The following CADM2 variants were observed in gnomAD, a reference collection of about 807,000 sequenced individuals.
The protein encoded by CADM2 is immunoglobulin superfamily member 4D.
A neutral mutation model predicts 49.8 loss-of-function variants in CADM2; 12 were observed. That is an observed-to-expected ratio of 0.24 (90% CI 0.15 to 0.39). CADM2 has a LOEUF of 0.39. Ranked by LOEUF, CADM2 falls within the 10% of genes least tolerant of loss-of-function variation. CADM2 has a pLI of 1.00. For synonymous variants in CADM2, 214 were observed against 175.4 expected (o/e 1.22, Z -1.74); for missense variants, 378 against 492.3 (o/e 0.77, Z 2.20).
intron 1 of CADM2, among the ~76,000 whole-genome samples, chr3:85,264,902 C>A (rs2043088987): frequency 6.6e-6 from 1 of 151,882 alleles, no homozygotes; most frequent in Non-Finnish European, 1.5e-5. Flanking sequence ...TATTTCAAGC[C>A]AATACCAGTT....
intron 5 of CADM2, among the ~76,000 whole-genome samples, chr3:85,896,936 C>T (rs1365206113): frequency 6.6e-5 from 10 of 152,096 alleles, no homozygotes; most frequent in African/African-American, 2.4e-5. Flanking sequence ...AGTAGACTTA[C>T]TAAGTCAGAA....
chr3:85,907,968 C>G (rs528977766), intron 5 of CADM2, among the ~76,000 whole-genome samples: 12 of 151,378 alleles, frequency 7.9e-5, no homozygotes, highest in Non-Finnish European at 1.6e-4. Flanking sequence ...GCACCAAAAC[C>G]GCAAAAGTGG....
intron 1 of CADM2, among the ~76,000 whole-genome samples, chr3:85,029,841 TA>T (rs1419113730): frequency 6.6e-6 from 1 of 152,206 alleles, no homozygotes; most frequent in African/African-American, 2.4e-5. Flanking sequence ...CTTCTTCTCA[TA>T]AAAGACTTTC....
intron 1 of CADM2, among the ~76,000 whole-genome samples, chr3:85,673,820 A>G (rs917372973): frequency 6.6e-6 from 1 of 152,188 alleles, no homozygotes; most frequent in Admixed American, 6.5e-5. Context: ...GTTTGGGAGC[A>G]TGAGAATTTG....
chr3:85,797,642 CT>C (rs1255415596), intron 2 of CADM2, among the ~76,000 whole-genome samples: 1 of 152,106 alleles, frequency 6.6e-6, no homozygotes, highest in East Asian at 1.9e-4. Flanking sequence ...GCCACATTTT[CT>C]TTATCCAGTC....
rs988400170 is a variant in CADM2 at position 85,428,480 on chromosome 3, T to C, written c.62-298042T>C. On this transcript the variant is annotated intron_variant, in intron 1 of 9. Transcript: ENST00000383699. ...ATATGATATGTATCATACTAATATA[T>C]ACTAATACATATTCCCCTATGGGGA... Among the ~76,000 whole-genome samples the C allele has an allele frequency of 4.7e-4, 69 of 146,106 alleles. 1 individual carries two copies. Among genetic ancestry groups the C allele is most frequent in the African/African-American group, 1.7e-3 (68 of 40,502 alleles).
At chr3:85,109,208 A>G (rs886895212) in intron 1 of CADM2, among the ~76,000 whole-genome samples, 1 of 152,062 alleles carries the variant, frequency 6.6e-6, no homozygotes, top group Non-Finnish European at 1.5e-5. Flanking sequence ...ATCAACTGTC[A>G]TAGCTATCCT....
At chr3:85,139,608 T>A (rs1000663340) in intron 1 of CADM2, among the ~76,000 whole-genome samples, 2 of 152,112 alleles carry the variant, frequency 1.3e-5, no homozygotes, top group African/African-American at 4.8e-5. Flanking sequence ...CTATGTAGAT[T>A]TTATTTATAA....
chr3:85,265,543 T>C (rs2043104610), intron 1 of CADM2, among the ~76,000 whole-genome samples: 1 of 151,778 alleles, frequency 6.6e-6, no homozygotes, highest in Non-Finnish European at 1.5e-5. Context: ...ATTCCCGGAG[T>C]AACAAATCCA....
At chr3:85,375,717 T>A (rs1056152449) in intron 1 of CADM2, among the ~76,000 whole-genome samples, 1 of 152,196 alleles carries the variant, frequency 6.6e-6, no homozygotes, top group Non-Finnish European at 1.5e-5. Flanking sequence ...AAAATTAATG[T>A]ACAAAGTGTT....
chr3:85,732,746 C>T (rs1291747185), intron 2 of CADM2, among the ~76,000 whole-genome samples: 2 of 152,074 alleles, frequency 1.3e-5, no homozygotes, highest in Non-Finnish European at 2.9e-5. Flanking sequence ...ATACAAAACC[C>T]TCTGAGATAG....
intron 7 of CADM2, among the ~76,000 whole-genome samples, chr3:85,952,068 A>T (rs1350444157): frequency 1.3e-5 from 2 of 150,826 alleles, no homozygotes; most frequent in African/African-American, 4.8e-5. Context: ...GAAGTTTGTA[A>T]TTAGAAAAAA....
chr3:85,076,954 A>C (rs1390260392), intron 1 of CADM2, among the ~76,000 whole-genome samples: 2 of 152,208 alleles, frequency 1.3e-5, no homozygotes, highest in Non-Finnish European at 2.9e-5. Context: ...CCTGGGCACC[A>C]GAGAGAGACT....
intron 1 of CADM2, among the ~76,000 whole-genome samples, chr3:85,335,855 C>G (rs899984002): frequency 3.3e-5 from 5 of 151,418 alleles, no homozygotes; most frequent in Non-Finnish European, 7.4e-5. Flanking sequence ...TTTGTCCATG[C>G]AGAATTCATT....
chr3:85,316,006 A>G (rs1253903773), intron 1 of CADM2, among the ~76,000 whole-genome samples: 1 of 152,172 alleles, frequency 6.6e-6, no homozygotes, highest in East Asian at 1.9e-4. Flanking sequence ...TTCTAACTGT[A>G]TTCAGAAATA....
intron 1 of CADM2, among the ~76,000 whole-genome samples, chr3:85,334,981 A>T (rs1310012949): frequency 1.3e-5 from 2 of 151,400 alleles, no homozygotes; most frequent in Non-Finnish European, 3.0e-5. Flanking sequence ...ACAAGGTGAC[A>T]GGAAAGTAAA....
At chr3:84,984,317 A>G (rs2107149427) in intron 1 of CADM2, among the ~76,000 whole-genome samples, 1 of 132,250 alleles carries the variant, frequency 7.6e-6, no homozygotes, top group Middle Eastern at 4.5e-3. Flanking sequence ...GCAATTCCCT[A>G]GTTCAGTTAA....
rs542640511 is a variant in CADM2 at position 85,884,924 on chromosome 3, C to T, written c.392-1266C>T. Among the ~76,000 whole-genome samples the T allele has an allele frequency of 1.1e-4, 16 of 147,362 alleles. No individual in the cohort carries two copies. The South Asian group carries it at 3.3e-3, about 30-fold the overall frequency. On this transcript the variant is annotated intron_variant, in intron 4 of 9. Transcript: ENST00000383699. Reference sequence around the variant, plus strand: ...TTTTTTTTTGTATTTTTAGTAGAGACGGGGTTTCACCATGTTGGCCAAGAT... The same window carrying T: ...TTTTTTTTTGTATTTTTAGTAGAGATGGGGTTTCACCATGTTGGCCAAGAT...
At chr3:85,682,448 T>C (rs2066066217) in intron 1 of CADM2, among the ~76,000 whole-genome samples, 1 of 152,102 alleles carries the variant, frequency 6.6e-6, no homozygotes, top group Admixed American at 6.6e-5. Context: ...GATTATCTGT[T>C]GAGCATTAAA....
Sources: gnomAD v4.1 joint callset for allele counts (sites outside exome capture counted in the v4.1 genomes callset) on GRCh38, gnomAD v4.1.1 for gene constraint, MANE v1.5 for transcripts, NCBI Gene and HGNC (gene_info 2026-07-23, HGNC 2026-07-21) for gene names.